The following NAV3 variants were observed in gnomAD, a reference collection of about 807,000 sequenced individuals.
NAV3 encodes pore membrane and/or filament interacting like protein 1.
A neutral mutation model predicts 244.7 loss-of-function variants in NAV3; 87 were observed. That is an observed-to-expected ratio of 0.36 (90% CI 0.30 to 0.42). The LOEUF (loss-of-function observed/expected upper bound fraction) is 0.42. Among genes scored for constraint, NAV3 ranks in the 20% least tolerant of loss-of-function variants. The pLI, the probability that NAV3 is intolerant of heterozygous loss-of-function variation, is 1.00. For missense variants in NAV3, 2,663 were observed against 2,893.3 expected, an observed-to-expected ratio of 0.92 and a Z score of 1.83; for synonymous variants, 1,126 against 1,042.2, an observed-to-expected ratio of 1.08 and a Z score of -1.55.
intron 9 of NAV3, among the ~76,000 whole-genome samples, chr12:78,038,470 G>A (rs1159381132): frequency 6.6e-6 from 1 of 152,100 alleles, no homozygotes; most frequent in Non-Finnish European, 1.5e-5. Flanking sequence ...GAGGTTTTCT[G>A]GATTCTTTTA....
intron 13 of NAV3, among the ~76,000 whole-genome samples, chr12:78,117,674 A>G (rs1036604971): frequency 6.6e-5 from 10 of 151,822 alleles, no homozygotes; most frequent in Admixed American, 6.6e-4. Flanking sequence ...GATTAATTTT[A>G]TATGATCTCT....
intron 2 of NAV3, among the ~76,000 whole-genome samples, chr12:77,772,624 G>A (rs1870151543): frequency 6.6e-6 from 1 of 151,982 alleles, no homozygotes. Context: ...TTTTAGTTTG[G>A]TTATCCTTTT....
chr12:77,921,989 A>AGAAT (rs1163944517), intron 1 of NAV3, among the ~76,000 whole-genome samples: 2 of 152,182 alleles, frequency 1.3e-5, no homozygotes, highest in African/African-American at 4.8e-5. Flanking sequence ...ACATGGGCAG[A>AGAAT]GAATGCTGTA....
At chr12:78,132,347 G>A (rs1325975960) in intron 18 of NAV3, among the ~76,000 whole-genome samples, 1 of 152,142 alleles carries the variant, frequency 6.6e-6, no homozygotes, top group Non-Finnish European at 1.5e-5. Flanking sequence ...AACCAAGTCT[G>A]AAAGGTTAAG....
chr12:77,954,882 T>C (rs1891223065), intron 3 of NAV3, among the ~76,000 whole-genome samples: 1 of 152,230 alleles, frequency 6.6e-6, no homozygotes, highest in Admixed American at 6.5e-5. Flanking sequence ...ATGTATGTAC[T>C]GTGTGGTCAT....
At chr12:77,860,228 C>A (rs992952591) in intron 1 of NAV3, among the ~76,000 whole-genome samples, 4 of 151,326 alleles carry the variant, frequency 2.6e-5, no homozygotes, top group Non-Finnish European at 5.9e-5. Flanking sequence ...TGATTGTCTC[C>A]AGGAAAGAAA....
intron 2 of NAV3, among the ~76,000 whole-genome samples, chr12:77,770,146 T>C (rs1870003086): frequency 6.7e-6 from 1 of 149,526 alleles, no homozygotes; most frequent in African/African-American, 2.5e-5. Context: ...GAGATCCAAT[T>C]TTTTTTTTCC....
intron 12 of NAV3, among the ~76,000 whole-genome samples, chr12:78,107,677 A>G (rs983117923): frequency 1.3e-5 from 2 of 152,156 alleles, no homozygotes; most frequent in African/African-American, 4.8e-5. Flanking sequence ...AGGAGAAATA[A>G]AAGGTTTCCC....
At chr12:78,200,415 ATG>A in intron 37 of NAV3, 56 bp from the exon 38 acceptor site, 1 of 1,017,026 alleles carries the variant, frequency 9.8e-7, no homozygotes, top group Non-Finnish European at 1.4e-6. Context: ...GTGTCTAGAT[ATG>A]TGTTTAGATT....
At chr12:77,682,954 T>C (rs548240378) in intron 2 of NAV3, among the ~76,000 whole-genome samples, 1 of 152,276 alleles carries the variant, frequency 6.6e-6, no homozygotes, top group African/African-American at 2.4e-5. Flanking sequence ...TATTCTTCCA[T>C]TTTGCAGATT....
intron 2 of NAV3, among the ~76,000 whole-genome samples, chr12:77,619,899 A>G (rs1565739775): frequency 6.6e-6 from 1 of 152,142 alleles, no homozygotes; most frequent in Admixed American, 6.5e-5. Context: ...ACACACACAC[A>G]CAGACAGTCT....
chr12:77,594,106 AC>A (rs1159797721), intron 2 of NAV3, among the ~76,000 whole-genome samples: 2 of 152,228 alleles, frequency 1.3e-5, no homozygotes, highest in Non-Finnish European at 2.9e-5. Context: ...TGTAACAACA[AC>A]AAAAAACCCT....
At chr12:77,668,742 A>G (rs1476748098) in intron 2 of NAV3, among the ~76,000 whole-genome samples, 1 of 152,188 alleles carries the variant, frequency 6.6e-6, no homozygotes, top group Non-Finnish European at 1.5e-5. Flanking sequence ...ATGGAGGAAA[A>G]CGTCGTCCTT....
chr12:77,587,017 T>C (rs1358800218), intron 2 of NAV3, among the ~76,000 whole-genome samples: 1 of 152,192 alleles, frequency 6.6e-6, no homozygotes, highest in African/African-American at 2.4e-5. Context: ...AATTAGTAAA[T>C]GAATTATTTA....
intron 33 of NAV3, among the ~76,000 whole-genome samples, chr12:78,189,565 T>TATATATATAC (rs1958881479): frequency 6.6e-6 from 1 of 150,806 alleles, no homozygotes; most frequent in Admixed American, 6.6e-5. Context: ...CACACCCATA[T>TATATATATAC]ATATATATAT....
intron 2 of NAV3, among the ~76,000 whole-genome samples, chr12:77,818,345 T>G (rs1035894412): frequency 1.8e-4 from 28 of 152,168 alleles, no homozygotes; most frequent in Non-Finnish European, 7.4e-5. Context: ...TAAGTCATGA[T>G]TTTTAAAACT....
intron 2 of NAV3, among the ~76,000 whole-genome samples, chr12:77,796,848 T>TA (rs1418831506): frequency 4.0e-5 from 6 of 151,838 alleles, no homozygotes; most frequent in Non-Finnish European, 8.8e-5. Context: ...AATTAAGGTT[T>TA]TTTTTTTTAA....
chr12:77,634,903 T>C (rs1233385909), intron 2 of NAV3, among the ~76,000 whole-genome samples: 3 of 148,880 alleles, frequency 2.0e-5, no homozygotes, highest in African/African-American at 7.8e-5. Flanking sequence ...CTCTAGCAAG[T>C]GTTATTTATT....
chr12:77,613,196 T>G (rs1280133035), intron 2 of NAV3, among the ~76,000 whole-genome samples: 3 of 152,318 alleles, frequency 2.0e-5, no homozygotes, highest in African/African-American at 7.2e-5. Context: ...TGGATAGTTG[T>G]TGGCAGAGTT....
Sources: gnomAD v4.1 joint callset for allele counts (sites outside exome capture counted in the v4.1 genomes callset) on GRCh38, gnomAD v4.1.1 for gene constraint, MANE v1.5 for transcripts, NCBI Gene and HGNC (gene_info 2026-07-23, HGNC 2026-07-21) for gene names.